The following PLEKHG4B variants were observed in gnomAD, a reference collection of about 807,000 sequenced individuals.
PLEKHG4B encodes pleckstrin homology and RhoGEF domain containing G4B, also known as pleckstrin homology domain-containing family G member 4B.
In PLEKHG4B, 111 loss-of-function variants were observed where a neutral mutation model predicts 121.3. That is an observed-to-expected ratio of 0.92 (90% CI 0.78 to 1.07). The LOEUF is 1.07. PLEKHG4B is among the 50% of genes least tolerant of loss of function. PLEKHG4B has a pLI of 0.00. For missense variants in PLEKHG4B, 1,831 were observed against 1,757.8 expected (o/e 1.04, Z -0.74); for synonymous variants, 738 against 725.0 (o/e 1.02, Z -0.29).
rs1736107663 is a variant in PLEKHG4B, at chr5:163,284, C to G, written c.3212C>G (p.Pro1071Arg). Reference sequence around the variant, plus strand: ...CCCACCCAGACCCTGGCCAGCCGCCCCAGGAAACATCCCCAGAAGAAAATG... The same window carrying G: ...CCCACCCAGACCCTGGCCAGCCGCCGCAGGAAACATCCCCAGAAGAAAATG... ...SEPTQTLASR[P>R]RKHPQKKMIK... The change falls in exon 13 of 20, where the codon CCC becomes CGC. Residue 1071 changes from proline (P) to arginine (R), a missense_variant. By Grantham distance (103) the Pro-to-Arg change is moderately radical (BLOSUM62 -2). Transcript: ENST00000637938. 1.2e-6 allele frequency: 2 copies of G among 1,613,278 alleles called. No homozygotes were observed. Among genetic ancestry groups the G allele is most frequent in the Non-Finnish European group, 8.5e-7 (1 of 1,180,010 alleles).
At chr5:155,921 C>G (rs964052446) in intron 9 of PLEKHG4B, 150 bp from the exon 10 acceptor site, 1 of 795,024 alleles carries the variant, frequency 1.3e-6, no homozygotes, top group Non-Finnish European at 1.9e-6. Flanking sequence ...TGGGACAGTC[C>G]GGACCATCAG....
chr5:143,453 G>C lies in PLEKHG4B; in HGVS notation c.1761G>C (p.Ser587=), dbSNP rs763781820. 6.2e-7 allele frequency: 1 copy of C among 1,612,870 alleles called. No individual in the cohort carries two copies. The change falls in exon 5 of 20, where the codon TCG becomes TCC. Residue 587 remains serine, a synonymous_variant. Coordinates refer to ENST00000637938, the MANE Select transcript of PLEKHG4B (RefSeq NM_052909.5). ...TRSLLWTREH[S]SCAELTRLLL... is the part of the protein sequence containing the mutation. ...GCCTGCTCTGGACCAGGGAACACTC[G>C]TCCTGTGCTGAGCTGACCCGCCTGC...
At chr5:119,034 A>AT (rs1410049004) in intron 2 of PLEKHG4B, among the ~76,000 whole-genome samples, 2 of 151,858 alleles carry the variant, frequency 1.3e-5, no homozygotes, top group Admixed American at 6.6e-5. Context: ...TATTTTTAAA[A>AT]TTTTTTGTAG....
rs1449649877 is a variant in PLEKHG4B at position 185,095 on chromosome 5, CAG to C, written c.*2775_*2776del. The C allele has an allele frequency of 6.6e-6, 1 of 152,068 alleles. No individual in the cohort carries two copies. Among genetic ancestry groups the C allele is most frequent in the East Asian group, 1.9e-4 (1 of 5,186 alleles). 9.4% of individuals were successfully genotyped at this position (152,068 alleles called of 1,614,324 possible). A position where few individuals can be genotyped will look rare whatever the true frequency, so the allele number is the denominator to read the frequency against. Reference sequence around the variant, plus strand: ...CAAAGAATTACAGCTAATAGACCAACAGAGGAGATAAAATGGAATTTTTAAAA... The same window carrying C: ...CAAAGAATTACAGCTAATAGACCAACAGGAGATAAAATGGAATTTTTAAAA... On this transcript the variant is annotated 3_prime_UTR_variant, in exon 20 of 20. Coordinates refer to ENST00000637938, the MANE Select transcript of PLEKHG4B (RefSeq NM_052909.5).
In PLEKHG4B at chr5:140,203, A is replaced by G. The variant is rs1465947376; in HGVS notation, c.964A>G (p.Lys322Glu). 1 of 1,249,398 alleles carries G rather than the reference A, an allele frequency of 8.0e-7. No individual in the cohort carries two copies. The highest frequency in any genetic ancestry group is 1.1e-6 in the Non-Finnish European group (1 of 920,328). 77.4% of individuals were successfully genotyped at this position (1,249,398 alleles called of 1,614,324 possible). A position where few individuals can be genotyped will look rare whatever the true frequency, so the allele number is the denominator to read the frequency against. ...CCCCATGGACCAGGAGGACAGACCCAAGGCCCTCACCTTCCACACAGACCT... is the reference window on the plus strand; with the variant it reads ...CCCCATGGACCAGGAGGACAGACCCGAGGCCCTCACCTTCCACACAGACCT... ...PDPMDQEDRP[K>E]ALTFHTDLGI... The change falls in exon 3 of 20, where the codon AAG (lysine) becomes GAG (glutamate). Residue 322 changes from lysine (K) to glutamate (E), a missense_variant. Lys to Glu is a moderately conservative substitution (Grantham distance 56). Coordinates refer to ENST00000637938, the MANE Select transcript of PLEKHG4B (RefSeq NM_052909.5).
chr5:93,260 C>G (rs1431844585), intron 1 of PLEKHG4B, among the ~76,000 whole-genome samples: 3 of 152,018 alleles, frequency 2.0e-5, no homozygotes, highest in Admixed American at 6.5e-5. Flanking sequence ...CTCAGCTTCC[C>G]GAAGAGATTT....
At chr5:178,550 A>G (rs1736834278) in intron 18 of PLEKHG4B, among the ~76,000 whole-genome samples, 1 of 152,168 alleles carries the variant, frequency 6.6e-6, no homozygotes, top group Non-Finnish European at 1.5e-5. Context: ...TACTAGGAAA[A>G]TTATGTGAAA....
chr5:155,775 G>A (rs1024400037), intron 9 of PLEKHG4B, among the ~76,000 whole-genome samples: 1 of 152,328 alleles, frequency 6.6e-6, no homozygotes, highest in Admixed American at 6.5e-5. Context: ...CCAGCCGCCA[G>A]GTCTAGGGGC....
Position 182,033 on chromosome 5 carries a change from T to C in PLEKHG4B, c.4594T>C (p.Ser1532Pro). 1 of 1,614,060 alleles carries C rather than the reference T, an allele frequency of 6.2e-7. No homozygotes were observed. ...ESQMRGSTAV[S>P]SSDHAAPFKR... The stretch of plus-strand genomic sequence containing the variant: ...ACAAATGAGAGGGTCCACAGCGGTG[T>C]CCTCCTCTGACCACGCCGCCCCCTT... Residue 1532 changes from serine to proline, a missense_variant, in exon 20 of 20, where the codon TCC becomes CCC. Coordinates refer to ENST00000637938, the MANE Select transcript of PLEKHG4B (RefSeq NM_052909.5).
Position 162,851 on chromosome 5 carries a change from G to A in PLEKHG4B, c.2779G>A (p.Val927Met). 6.6e-7 allele frequency: 1 copy of A among 1,516,178 alleles called. No individual in the cohort carries two copies. The highest frequency in any genetic ancestry group is 1.3e-5 in the South Asian group (1 of 76,246). The allele number at this position is 1,516,178 out of a possible 1,614,324, so 93.9% of individuals were successfully genotyped here. A position where few individuals can be genotyped will look rare whatever the true frequency, so the allele number is the denominator to read the frequency against. Residue 927 changes from valine to methionine, a missense_variant, in exon 13 of 20, where the codon GTG (valine) becomes ATG (methionine). Physicochemically the swap from Val to Met is conservative, Grantham distance 21 (BLOSUM62 1). Coordinates refer to ENST00000637938, the MANE Select transcript of PLEKHG4B (RefSeq NM_052909.5). ...AEAFPGAGVAVLKPHALGKPW... is the reference protein window; with the variant it reads ...AEAFPGAGVAMLKPHALGKPW... ...GGCCTTCCCCGGGGCAGGTGTGGCA[G>A]TGCTGAAGCCTCATGCCCTGGGGAA...
At chr5:154,545 T>C (rs1735706067) in intron 7 of PLEKHG4B, among the ~76,000 whole-genome samples, 1 of 151,898 alleles carries the variant, frequency 6.6e-6, no homozygotes, top group Admixed American at 6.6e-5. Flanking sequence ...GTTTGTGGGT[T>C]TTATCTGAGA....
chr5:121,498 G>C (rs528142545), intron 2 of PLEKHG4B, among the ~76,000 whole-genome samples: 1 of 152,224 alleles, frequency 6.6e-6, no homozygotes, highest in South Asian at 2.1e-4. Context: ...ATTCACAGAA[G>C]GGGAGGAAAG....
At position 166,482 on chromosome 5, in the gene PLEKHG4B, GGGGCGGGGCTCA is replaced by G. The variant is rs1736348930; in HGVS notation, c.3477-2857_3477-2846del. Among the ~76,000 whole-genome samples the G allele has an allele frequency of 3.9e-5, 3 of 77,564 alleles. 1 individual carries two copies. Among genetic ancestry groups the G allele is most frequent in the East Asian group, 5.6e-4 (2 of 3,542 alleles). The allele number at this position is 77,564 out of a possible 152,430, so 50.9% of individuals were successfully genotyped here. On this transcript the variant is annotated intron_variant, in intron 13 of 19. Transcript: ENST00000637938. ...GCGGAGCTCACACTAATGCTCTGAC[GGGGCGGGGCTCA>G]CAGTAATCTTCTGACGGGGCGGAGC...
chr5:162,263 G>C (rs1047421836), intron 12 of PLEKHG4B, among the ~76,000 whole-genome samples: 1 of 70,514 alleles, frequency 1.4e-5, no homozygotes, highest in Non-Finnish European at 2.9e-5. Context: ...GCTCGCCTGC[G>C]AGCTCCCACG....
At position 183,987 on chromosome 5, in the gene PLEKHG4B, A is replaced by AGATCGATCGATC. The variant is rs70955213; in HGVS notation, c.*1671_*1672insCGATCGATCGAT. ...TATACAGACAGATAGATAGATAGAT[A>AGATCGATCGATC]GATCGATAGATAGATAGATAGATAG... On this transcript the variant is annotated 3_prime_UTR_variant, in exon 20 of 20. Coordinates refer to ENST00000637938, the MANE Select transcript of PLEKHG4B (RefSeq NM_052909.5). 49 of 81,060 alleles carry AGATCGATCGATC rather than the reference A, an allele frequency of 6.0e-4. No individual in the cohort carries two copies. Among genetic ancestry groups the AGATCGATCGATC allele is most frequent in the African/African-American group, 1.4e-3 (35 of 25,766 alleles). 5.0% of individuals were successfully genotyped at this position (81,060 alleles called of 1,614,324 possible).
Position 157,543 on chromosome 5 carries a change from G to A in PLEKHG4B, c.2487+632G>A, listed in dbSNP as rs1735830577. 6.6e-6 allele frequency among the ~76,000 whole-genome samples: 1 copy of A among 152,104 alleles called. No individual in the cohort carries two copies. The highest frequency in any genetic ancestry group is 2.4e-5 in the African/African-American group (1 of 41,410). Reference sequence around the variant, plus strand: ...GTGGCTGGGGTTATTGATGGCCCTTGGTGGACACACTGCAGAATCTGGGGT... The same window carrying A: ...GTGGCTGGGGTTATTGATGGCCCTTAGTGGACACACTGCAGAATCTGGGGT... On this transcript the variant is annotated intron_variant, in intron 11 of 19. Transcript: ENST00000637938. This position sits in a 1 kb window ranked among gnomAD's most constrained non-coding sequence, Gnocchi z 4.6.
chr5:146,166 T>C (rs1735405253), intron 6 of PLEKHG4B, among the ~76,000 whole-genome samples: 1 of 127,432 alleles, frequency 7.8e-6, no homozygotes. Context: ...TCCCCCATTC[T>C]GCAGCCCTCC....
intron 3 of PLEKHG4B, 99 bp downstream of exon 3, chr5:140,815 C>T (rs1735152771): frequency 1.0e-6 from 1 of 983,468 alleles, no homozygotes; most frequent in African/African-American, 2.1e-5. Context: ...CTACAAACCC[C>T]CACAACCTCC....
Position 183,165 on chromosome 5 carries a change from C to T in PLEKHG4B, c.*842C>T, listed in dbSNP as rs1733475423. The T allele has an allele frequency of 6.6e-6, 1 of 152,218 alleles. No homozygotes were observed. Among genetic ancestry groups the T allele is most frequent in the South Asian group, 2.1e-4 (1 of 4,828 alleles). The allele number at this position is 152,218 out of a possible 1,614,324, so 9.4% of individuals were successfully genotyped here. On this transcript the variant is annotated 3_prime_UTR_variant, in exon 20 of 20. Coordinates refer to ENST00000637938, the MANE Select transcript of PLEKHG4B (RefSeq NM_052909.5). ...GGGGATAATTAGCCCTAGACTGAGC[C>T]CTGCTCCTGACTCGCCTACAAAATC...
Sources: allele counts gnomAD v4.1 joint callset (sites outside exome capture counted in the v4.1 genomes callset), GRCh38; gene constraint gnomAD v4.1.1; non-coding constraint Gnocchi (gnomAD v3.1); transcripts MANE v1.5; gene names NCBI Gene and HGNC (gene_info 2026-07-23, HGNC 2026-07-21).